The following SPIRE1 variants were observed in gnomAD, a reference collection of about 807,000 sequenced individuals.
SPIRE1 encodes spire type actin nucleation factor 1.
In SPIRE1, 40 loss-of-function variants were observed where a neutral mutation model predicts 94.1. The ratio of observed to expected loss-of-function variants is 0.43; its 90% confidence interval spans 0.33 to 0.55. The LOEUF is 0.55. Ranked by LOEUF, SPIRE1 falls within the 20% of genes least tolerant of loss-of-function variation. SPIRE1 has a pLI of 0.06. For synonymous variants in SPIRE1, 376 were observed against 371.7 expected, an observed-to-expected ratio of 1.01 and a Z score of -0.13; for missense variants, 838 against 975.2, an observed-to-expected ratio of 0.86 and a Z score of 1.87.
chr18:12,473,803 T>C (rs952849038), intron 10 of SPIRE1, among the ~76,000 whole-genome samples: 5 of 152,204 alleles, frequency 3.3e-5, no homozygotes, highest in South Asian at 2.1e-4. Context: ...GTGTGATAAT[T>C]TGGACCCACA....
chr18:12,579,140 C>T (rs757102427), intron 2 of SPIRE1, among the ~76,000 whole-genome samples: 2 of 149,050 alleles, frequency 1.3e-5, no homozygotes, highest in Non-Finnish European at 1.5e-5. Flanking sequence ...CAAATCTGAA[C>T]CAAGCTATGA....
At chr18:12,656,672 TA>T in intron 1 of SPIRE1, 2 of 977,350 alleles carry the variant, frequency 2.0e-6, no homozygotes, top group Non-Finnish European at 2.4e-6. Context: ...ATGAATTAGA[TA>T]AAAACTGATG....
In SPIRE1 at chr18:12,452,263, G is replaced by C; in HGVS notation, c.2004C>G (p.Ser668Arg). ...PSTAHHRPLRSIARFSSKSKS... is the reference protein window; with the variant it reads ...PSTAHHRPLRRIARFSSKSKS... ...CCAGGCCCCTTGCTCACCTGGCAAT[G>C]CTCCGAAGTGGCCGATGATGGGCAG... The change falls in exon 16 of 17, where the codon AGC becomes AGG. Residue 668 changes from serine (S) to arginine (R), a missense_variant. This residue lies in a region of SPIRE1 where 645 missense variants were observed against 804.7 expected (regional missense o/e 0.80). Coordinates refer to ENST00000409402, the MANE Select transcript of SPIRE1 (RefSeq NM_001128626.2). The C allele has an allele frequency of 6.2e-7, 1 of 1,613,826 alleles. No individual in the cohort carries two copies. Among genetic ancestry groups the C allele is most frequent in the Non-Finnish European group, 8.5e-7 (1 of 1,179,952 alleles).
intron 2 of SPIRE1, among the ~76,000 whole-genome samples, chr18:12,563,624 A>G (rs1334945530): frequency 6.6e-6 from 1 of 152,232 alleles, no homozygotes; most frequent in African/African-American, 2.4e-5. Context: ...AATAGTTGTG[A>G]TACAAGAAAT....
intron 2 of SPIRE1, among the ~76,000 whole-genome samples, chr18:12,576,427 C>T (rs1372468525): frequency 2.7e-5 from 4 of 150,638 alleles, no homozygotes; most frequent in Admixed American, 6.6e-5. Flanking sequence ...AACTAAAATA[C>T]GAAAATTAGC....
chr18:12,570,379 G>A (rs967308822), intron 2 of SPIRE1, among the ~76,000 whole-genome samples: 8 of 152,138 alleles, frequency 5.3e-5, no homozygotes, highest in South Asian at 2.1e-4. Context: ...GGAGCACAGC[G>A]CCTACCCTTT....
At chr18:12,579,963 T>A (rs2036211734) in intron 2 of SPIRE1, among the ~76,000 whole-genome samples, 1 of 152,224 alleles carries the variant, frequency 6.6e-6, no homozygotes, top group Admixed American at 6.5e-5. Flanking sequence ...ATCTTATTTT[T>A]AAATACTTTC....
At chr18:12,632,650 A>G (rs960998481) in intron 2 of SPIRE1, among the ~76,000 whole-genome samples, 2 of 152,150 alleles carry the variant, frequency 1.3e-5, no homozygotes, top group East Asian at 3.8e-4. Context: ...AATTAAATCA[A>G]TATCAGATTG....
chr18:12,500,707 C>A (rs1297933601), intron 6 of SPIRE1, among the ~76,000 whole-genome samples: 3 of 152,042 alleles, frequency 2.0e-5, no homozygotes, highest in Non-Finnish European at 4.4e-5. Context: ...ATGAAAGAAT[C>A]CAATTGGAAA....
intron 6 of SPIRE1, among the ~76,000 whole-genome samples, chr18:12,501,738 A>T (rs1266206230): frequency 6.6e-6 from 1 of 152,156 alleles, no homozygotes; most frequent in Non-Finnish European, 1.5e-5. Flanking sequence ...AGGTGAGAGG[A>T]CTGCTTGAGC....
chr18:12,611,354 T>C (rs2037135861), intron 2 of SPIRE1, among the ~76,000 whole-genome samples: 1 of 152,176 alleles, frequency 6.6e-6, no homozygotes, highest in African/African-American at 2.4e-5. Flanking sequence ...TCTATATATC[T>C]TGGATCATCC....
At chr18:12,658,431 G>C (rs1421172730), upstream of SPIRE1, 2 of 402,036 alleles carry the variant, frequency 5.0e-6, no homozygotes, top group Non-Finnish European at 1.0e-5. Flanking sequence ...GCGGGGCCGG[G>C]CGCGCGGTCG....
chr18:12,532,940 C>G (rs1325563448), intron 4 of SPIRE1, among the ~76,000 whole-genome samples: 2 of 152,126 alleles, frequency 1.3e-5, no homozygotes, highest in African/African-American at 4.8e-5. Context: ...AGAGGAGAGA[C>G]AGAATATTAG....
chr18:12,479,646 C>T, intron 10 of SPIRE1, 53 bp downstream of exon 10: 2 of 1,491,098 alleles, frequency 1.3e-6, no homozygotes, highest in South Asian at 1.4e-5. Flanking sequence ...CTGCATCAGA[C>T]AGCATTAAGC....
Position 12,635,066 on chromosome 18 carries a change from G to A in SPIRE1, c.368C>T (p.Thr123Ile), listed in dbSNP as rs2037886928. 4.8e-6 allele frequency: 7 copies of A among 1,455,460 alleles called. No homozygotes were observed. Among genetic ancestry groups the A allele is most frequent in the Non-Finnish European group, 6.6e-6 (7 of 1,063,400 alleles). 90.2% of individuals were successfully genotyped at this position (1,455,460 alleles called of 1,614,324 possible). Reference protein sequence around the residue: ...GKLGYSQCMETEVIESLGIII... With the variant: ...GKLGYSQCMEIEVIESLGIII... ...ATATTTGAGTATTTCACTTACCTCT[G>A]TTTCCATACATTGTGAATATCCCAA... The change falls in exon 2 of 17, where the codon ACA becomes ATA. Residue 123 changes from threonine (T) to isoleucine (I), a missense_variant. This residue lies in a region of SPIRE1 where 645 missense variants were observed against 804.7 expected (regional missense o/e 0.80). Transcript: ENST00000409402.
intron 2 of SPIRE1, among the ~76,000 whole-genome samples, chr18:12,607,600 C>CACAT (rs61533753): frequency 0.019 from 757 of 40,716 alleles, 7 homozygotes; most frequent in African/African-American, 0.061. Flanking sequence ...CAGCACTACA[C>CACAT]ACACACACAC....
intron 2 of SPIRE1, among the ~76,000 whole-genome samples, chr18:12,605,178 C>T (rs1367029379): frequency 2.6e-5 from 4 of 152,066 alleles, no homozygotes; most frequent in Non-Finnish European, 5.9e-5. Flanking sequence ...TTAACACAAC[C>T]GAACTATAAA....
Position 12,498,829 on chromosome 18 carries a change from C to T in SPIRE1, c.973-2727G>A, listed in dbSNP as rs2033556414. Among the ~76,000 whole-genome samples, 4 of 152,096 alleles carry T rather than the reference C, an allele frequency of 2.6e-5. No homozygotes were observed. In the South Asian group the frequency reaches 8.3e-4, roughly 32 times the overall value. ...TTTGTAGAATTGGGGGTCTATGTTG[C>T]CTAGGCTGGTCTTGAATGTTCAGAC... On this transcript the variant is annotated intron_variant, in intron 6 of 16. Transcript: ENST00000409402.
chr18:12,486,521 G>A (rs967266149), intron 8 of SPIRE1, among the ~76,000 whole-genome samples: 3 of 152,150 alleles, frequency 2.0e-5, no homozygotes, highest in African/African-American at 7.2e-5. Flanking sequence ...ACTATCTATT[G>A]TAGGCCATAT....
Sources: allele counts gnomAD v4.1 joint callset (sites outside exome capture counted in the v4.1 genomes callset), GRCh38; gene constraint gnomAD v4.1.1; regional missense constraint gnomAD v4.1.1; transcripts MANE v1.5; gene names NCBI Gene and HGNC (gene_info 2026-07-23, HGNC 2026-07-21).